Variants in STAG2 observed in about 807,000 individuals in gnomAD.
STAG2 encodes the protein STAG2 cohesin complex component.
STAG2 carries 14 observed loss-of-function variants against 108.1 expected under a neutral mutation model. That is an observed-to-expected ratio of 0.13 (90% CI 0.09 to 0.20). STAG2 has a LOEUF of 0.20. Among genes scored for constraint, STAG2 ranks in the 10% least tolerant of loss-of-function variants. The probability of loss-of-function intolerance (pLI) is 1.00; values close to 1 mark genes in which losing one functional copy is unlikely to be tolerated. For missense variants in STAG2, 440 were observed against 940.9 expected, an observed-to-expected ratio of 0.47 and a Z score of 6.96; for synonymous variants, 307 against 302.7, an observed-to-expected ratio of 1.01 and a Z score of -0.15.
intron 24 of STAG2, among the ~76,000 whole-genome samples, chrX:124,070,844 C>T (rs971899224): frequency 9.0e-6 from 1 of 110,845 alleles, no homozygotes; most frequent in African/African-American, 3.3e-5. Context: ...GAGTCCTGAC[C>T]CTGCATATTT....
At chrX:124,066,595 G>A (rs922993031) in intron 23 of STAG2, among the ~76,000 whole-genome samples, 159 bp downstream of exon 23, 3 of 107,965 alleles carry the variant, frequency 2.8e-5, no homozygotes, top group Admixed American at 1.0e-4. Flanking sequence ...AGAGGATATC[G>A]ATATGGTTTG....
intron 29 of STAG2, 75 bp downstream of exon 29, chrX:124,083,624 C>A: frequency 1.2e-6 from 1 of 828,827 alleles, no homozygotes; most frequent in Non-Finnish European, 1.6e-6. Flanking sequence ...CTTGGTTTCT[C>A]TCCTTTCTAC....
chrX:124,072,677 A>ATAG (rs1365488715), intron 25 of STAG2, among the ~76,000 whole-genome samples: 2 of 100,092 alleles, frequency 2.0e-5, no homozygotes, highest in Non-Finnish European at 4.0e-5. Flanking sequence ...CCAAGTAATT[A>ATAG]TAGTGTTGTT....
intron 5 of STAG2, among the ~76,000 whole-genome samples, chrX:124,036,683 A>G (rs780743268): frequency 2.7e-5 from 3 of 110,891 alleles, no homozygotes; most frequent in Non-Finnish European, 5.7e-5. Flanking sequence ...CAGCCTAAAA[A>G]TTGAAAATCA....
Position 124,071,155 on chromosome X carries a change from A to G in STAG2, c.2365A>G (p.Thr789Ala). 1 of 1,150,460 alleles carries G rather than the reference A, an allele frequency of 8.7e-7. No homozygotes were observed. The highest frequency in any genetic ancestry group is 1.1e-6 in the Non-Finnish European group (1 of 870,942). 94.8% of individuals were successfully genotyped at this position (1,150,460 alleles called of 1,213,427 possible). A position where few individuals can be genotyped will look rare whatever the true frequency, so the allele number is the denominator to read the frequency against. The change falls in exon 25 of 35, where the codon ACT becomes GCT. Residue 789 changes from threonine (T) to alanine (A), a missense_variant. Physicochemically the swap from Thr to Ala is moderately conservative, Grantham distance 58 (BLOSUM62 0). This residue lies in a region of STAG2 where 337 missense variants were observed against 649.3 expected (regional missense o/e 0.52). Coordinates refer to ENST00000371145, the MANE Select transcript of STAG2 (RefSeq NM_001042750.2). Reference sequence around the variant, plus strand: ...TTTTTTTTTTTTTAAATAGGCCTTCACTATTCTGTGTGATATTTTGATGAT... The same window carrying G: ...TTTTTTTTTTTTTAAATAGGCCTTCGCTATTCTGTGTGATATTTTGATGAT... ...VNTTVKEQAF[T>A]ILCDILMIFS...
intron 6 of STAG2, among the ~76,000 whole-genome samples, chrX:124,041,121 G>T (rs1226736248): frequency 9.1e-6 from 1 of 109,707 alleles, no homozygotes; most frequent in East Asian, 2.9e-4. Context: ...AAAGTGCTAG[G>T]ATTACAGGCA....
intron 1 of STAG2, among the ~76,000 whole-genome samples, chrX:123,982,916 C>CT (rs775495848): frequency 1.8e-5 from 2 of 110,653 alleles, no homozygotes; most frequent in Non-Finnish European, 3.8e-5. Flanking sequence ...TGGAATCACG[C>CT]TGTCAGTCAG....
At chrX:123,977,383 C>A (rs2054666340) in intron 1 of STAG2, among the ~76,000 whole-genome samples, 1 of 111,932 alleles carries the variant, frequency 8.9e-6, no homozygotes, top group African/African-American at 3.2e-5. Context: ...CTAAGTCAGG[C>A]AGCATTATGA....
At chrX:124,061,397 A>T in intron 16 of STAG2, 56 bp downstream of exon 16, 1 of 853,499 alleles carries the variant, frequency 1.2e-6, no homozygotes, top group East Asian at 3.2e-5. Flanking sequence ...GTAGATTTTT[A>T]CTCATTCCAT....
chrX:123,998,063 C>T (rs1263870294), intron 1 of STAG2, among the ~76,000 whole-genome samples: 1 of 111,586 alleles, frequency 9.0e-6, no homozygotes, highest in Non-Finnish European at 1.9e-5. Context: ...AATAATGTCG[C>T]TATGAACATG....
intron 27 of STAG2, among the ~76,000 whole-genome samples, chrX:124,079,933 CTTTT>C (rs200425943): frequency 3.0e-5 from 3 of 98,993 alleles, no homozygotes; most frequent in Admixed American, 1.1e-4. Flanking sequence ...TCCTCAGCAT[CTTTT>C]TTTTTTTTGG....
intron 1 of STAG2, among the ~76,000 whole-genome samples, chrX:124,007,449 T>C (rs1168985227): frequency 8.9e-6 from 1 of 111,979 alleles, no homozygotes; most frequent in African/African-American, 3.2e-5. Flanking sequence ...GATTAGGTTT[T>C]TTTTTCCAAT....
chrX:124,052,585 T>C (rs1009979455), intron 13 of STAG2, among the ~76,000 whole-genome samples: 3 of 111,787 alleles, frequency 2.7e-5, no homozygotes, highest in African/African-American at 9.8e-5. Context: ...ACATTTGGAC[T>C]GTTTCCAAAT....
intron 1 of STAG2, among the ~76,000 whole-genome samples, chrX:124,007,019 G>A (rs1237965494): frequency 9.1e-6 from 1 of 109,753 alleles, no homozygotes; most frequent in Non-Finnish European, 1.9e-5. Flanking sequence ...TTTAAAAATA[G>A]AGACATAGTC....
At position 124,090,605 on chromosome X, in the gene STAG2, G is replaced by C; in HGVS notation, c.3308G>C (p.Trp1103Ser). ...TEESSSSDSM[W>S]LSREQTLHTP... is the part of the protein sequence containing the mutation. ...GAAAGTAGTAGTAGTGACAGTATGT[G>C]GTTAAGCAGAGAACAAACACTGCAC... The change falls in exon 31 of 35, where the codon TGG becomes TCG. Residue 1103 changes from tryptophan to serine, a missense_variant. Trp to Ser is a radical substitution (Grantham distance 177). This residue lies in a region of STAG2 where 337 missense variants were observed against 649.3 expected (regional missense o/e 0.52). Coordinates refer to ENST00000371145, the MANE Select transcript of STAG2 (RefSeq NM_001042750.2). 1 of 1,206,928 alleles carries C rather than the reference G, an allele frequency of 8.3e-7. No homozygotes were observed. Among genetic ancestry groups the C allele is most frequent in the Non-Finnish European group, 1.1e-6 (1 of 892,490 alleles).
At chrX:124,022,482 G>C in intron 2 of STAG2, 49 bp from the exon 3 acceptor site, 2 of 450,057 alleles carry the variant, frequency 4.4e-6, no homozygotes, top group South Asian at 8.4e-5. Flanking sequence ...TATCCTTTCC[G>C]AATATTTTTG....
intron 20 of STAG2, among the ~76,000 whole-genome samples, chrX:124,065,008 T>C (rs1425248025): frequency 8.9e-6 from 1 of 111,856 alleles, no homozygotes; most frequent in Non-Finnish European, 1.9e-5. Context: ...TAAGATCATA[T>C]GGACTTTGTG....
intron 1 of STAG2, among the ~76,000 whole-genome samples, chrX:123,972,592 A>G (rs1174016832): frequency 1.8e-5 from 2 of 109,962 alleles, no homozygotes; most frequent in African/African-American, 3.3e-5. Flanking sequence ...TCTTTTATTT[A>G]GTTCATTGAA....
At chrX:124,017,434 A>G (rs2056770577) in intron 1 of STAG2, among the ~76,000 whole-genome samples, 1 of 110,214 alleles carries the variant, frequency 9.1e-6, no homozygotes, top group Non-Finnish European at 1.9e-5. Flanking sequence ...CTGGTCCTGA[A>G]CCCCTGACCT....
Sources: gnomAD v4.1 joint callset for allele counts (sites outside exome capture counted in the v4.1 genomes callset) on GRCh38, gnomAD v4.1.1 for gene constraint, gnomAD v4.1.1 regional missense constraint, MANE v1.5 for transcripts, NCBI Gene and HGNC (gene_info 2026-07-23, HGNC 2026-07-21) for gene names.